PRICKLE2: variants seen among roughly 807,000 people sequenced by gnomAD.
PRICKLE2 encodes prickle-like protein 2.
A neutral mutation model predicts 81.4 loss-of-function variants in PRICKLE2; 21 were observed. The observed-to-expected ratio is 0.26, with a 90% CI of 0.18 to 0.37. The LOEUF is 0.37. Among genes scored for constraint, PRICKLE2 ranks in the 10% least tolerant of loss-of-function variants. The pLI is 1.00. For synonymous variants in PRICKLE2, 456 were observed against 421.5 expected (o/e 1.08, Z -1.00); for missense variants, 940 against 1,109.0 (o/e 0.85, Z 2.16).
intron 7 of PRICKLE2, among the ~76,000 whole-genome samples, chr3:64,132,212 A>T (rs1468303019): frequency 1.3e-5 from 2 of 151,806 alleles, no homozygotes; most frequent in African/African-American, 2.4e-5. Flanking sequence ...TTCTTTGCTC[A>T]TTTTTTTCTT....
intron 4 of PRICKLE2, among the ~76,000 whole-genome samples, chr3:64,158,693 G>C (rs1009869697): frequency 1.3e-5 from 2 of 152,304 alleles, no homozygotes; most frequent in East Asian, 3.9e-4. Context: ...TGCCTGGATG[G>C]AGCACAGTGA....
chr3:64,215,055 C>T (rs2078851033), intron 1 of PRICKLE2, among the ~76,000 whole-genome samples: 1 of 152,104 alleles, frequency 6.6e-6, no homozygotes, highest in Admixed American at 6.5e-5. Flanking sequence ...ATTTCCACCA[C>T]CGTTTGTTTT....
chr3:64,192,202 G>C (rs1302365343), intron 2 of PRICKLE2, among the ~76,000 whole-genome samples: 1 of 152,122 alleles, frequency 6.6e-6, no homozygotes, highest in East Asian at 1.9e-4. Context: ...AACATTTCTG[G>C]TTCTACAGAG....
intron 7 of PRICKLE2, among the ~76,000 whole-genome samples, chr3:64,141,405 A>G (rs2077359708): frequency 6.6e-6 from 1 of 152,216 alleles, no homozygotes; most frequent in Admixed American, 6.5e-5. Context: ...GAGTGAGTTT[A>G]GTTTATGGAA....
chr3:64,198,617 TC>T (rs2078507854), intron 2 of PRICKLE2, 166 bp downstream of exon 2: 1 of 709,854 alleles, frequency 1.4e-6, no homozygotes, highest in African/African-American at 1.7e-5. Context: ...CAATTTCATT[TC>T]CCTTCCTCAT....
chr3:64,218,309 A>T (rs901052820), intron 1 of PRICKLE2, among the ~76,000 whole-genome samples: 2 of 152,364 alleles, frequency 1.3e-5, no homozygotes, highest in East Asian at 3.9e-4. Flanking sequence ...CATCTGGGAA[A>T]CATCTACTTC....
intron 2 of PRICKLE2, among the ~76,000 whole-genome samples, chr3:64,246,243 AAAAAAC>A (rs909249623): frequency 9.9e-5 from 15 of 152,156 alleles, no homozygotes; most frequent in South Asian, 6.2e-4. Context: ...CTCCATCTCA[AAAAAAC>A]AAAAACAAAA....
intron 2 of PRICKLE2, among the ~76,000 whole-genome samples, chr3:64,246,107 T>C (rs2079347642): frequency 6.6e-6 from 1 of 152,020 alleles, no homozygotes; most frequent in African/African-American, 2.4e-5. Flanking sequence ...TCCGGTGTAG[T>C]GGTGCGTGCC....
intron 2 of PRICKLE2, 84 bp from the exon 3 acceptor site, chr3:64,163,213 A>T (rs2077763293): frequency 1.2e-6 from 1 of 852,164 alleles, no homozygotes; most frequent in Non-Finnish European, 2.1e-6. Flanking sequence ...TGATTCCCCC[A>T]GCAGGATGTA....
At chr3:64,207,020 CT>C (rs2078699081) in intron 1 of PRICKLE2, among the ~76,000 whole-genome samples, 1 of 152,144 alleles carries the variant, frequency 6.6e-6, no homozygotes, top group Admixed American at 6.5e-5. Flanking sequence ...CCATCTCAGC[CT>C]CCTGAGAAGC....
intron 2 of PRICKLE2, among the ~76,000 whole-genome samples, chr3:64,244,434 C>G (rs867518516): frequency 6.6e-6 from 1 of 152,066 alleles, no homozygotes; most frequent in African/African-American, 2.4e-5. Context: ...TTGAAAATGT[C>G]GGGGATAATT....
At chr3:64,246,642 A>G (rs1005694979) in intron 2 of PRICKLE2, among the ~76,000 whole-genome samples, 4 of 152,178 alleles carry the variant, frequency 2.6e-5, no homozygotes, top group African/African-American at 7.2e-5. Context: ...AGGTGGGTGG[A>G]GCTGACACTT....
rs1463269741 is a variant in PRICKLE2 at position 64,214,878 on chromosome 3, G to C, written c.-41+10032C>G. On this transcript the variant is annotated intron_variant, in intron 1 of 7. Transcript: ENST00000638394. ...AAACGAACAAGGAGGAGCCGGGACC[G>C]TGGACTTCCTTGGTGCACGGGATGA... is the stretch of plus-strand genomic sequence containing the variant. Among the ~76,000 whole-genome samples the C allele has an allele frequency of 2.0e-5, 3 of 152,108 alleles. No individual in the cohort carries two copies. The South Asian group carries it at 6.2e-4, about 31-fold the overall frequency.
chr3:64,131,376 A>G (rs1241346041), intron 7 of PRICKLE2, among the ~76,000 whole-genome samples: 9 of 152,192 alleles, frequency 5.9e-5, no homozygotes, highest in Non-Finnish European at 1.0e-4. Context: ...AAAAATGACA[A>G]CTGCTCAGTC....
At chr3:64,262,394 CTA>C in intron 2 of PRICKLE2, among the ~76,000 whole-genome samples, 1 of 152,028 alleles carries the variant, frequency 6.6e-6, no homozygotes. Flanking sequence ...AAAGTTAGCG[CTA>C]TGTTTTGACA....
chr3:64,150,548 T>C (rs931480906), intron 6 of PRICKLE2, among the ~76,000 whole-genome samples: 5 of 152,010 alleles, frequency 3.3e-5, no homozygotes, highest in Non-Finnish European at 7.4e-5. Context: ...TCCTTCTTCC[T>C]CCTCCTTCTT....
intron 6 of PRICKLE2, among the ~76,000 whole-genome samples, chr3:64,152,660 C>T (rs1352868203): frequency 6.6e-6 from 1 of 151,940 alleles, no homozygotes; most frequent in African/African-American, 2.4e-5. Flanking sequence ...CCCAACTTGT[C>T]CCAAGGAGGC....
rs1273749777 is a variant in PRICKLE2, at chr3:64,147,798, C to G, written c.788-96G>C. On this transcript the variant is annotated intron_variant, in intron 6 of 7. Transcript: ENST00000638394. This position sits in a 1 kb window ranked among gnomAD's most constrained non-coding sequence, Gnocchi z 5.0. ...AGCACCTTGGTTTGTCTCAGGATTC[C>G]AGGTGCGGCAGGATAAACTGTCAAT... is the stretch of plus-strand genomic sequence containing the variant. 1 of 1,288,640 alleles carries G rather than the reference C, an allele frequency of 7.8e-7. No individual in the cohort carries two copies. Among genetic ancestry groups the G allele is most frequent in the East Asian group, 2.3e-5 (1 of 43,032 alleles). The allele number at this position is 1,288,640 out of a possible 1,614,324, so 79.8% of individuals were successfully genotyped here. A position where few individuals can be genotyped will look rare whatever the true frequency, so the allele number is the denominator to read the frequency against.
At chr3:64,186,667 G>T (rs192786173) in intron 2 of PRICKLE2, among the ~76,000 whole-genome samples, 1 of 152,220 alleles carries the variant, frequency 6.6e-6, no homozygotes, top group Non-Finnish European at 1.5e-5. Flanking sequence ...TGCACATATG[G>T]GTACTTAATA....
Sources: allele counts gnomAD v4.1 joint callset (sites outside exome capture counted in the v4.1 genomes callset), GRCh38; gene constraint gnomAD v4.1.1; non-coding constraint Gnocchi (gnomAD v3.1); transcripts MANE v1.5; gene names NCBI Gene and HGNC (gene_info 2026-07-23, HGNC 2026-07-21).